The following SPTLC3 variants were observed in gnomAD, a reference collection of about 807,000 sequenced individuals.
SPTLC3 encodes the protein serine palmitoyltransferase 3.
SPTLC3 carries 36 observed loss-of-function variants against 59.3 expected under a neutral mutation model. The ratio of observed to expected loss-of-function variants is 0.61; its 90% CI spans 0.47 to 0.80. The LOEUF (loss-of-function observed/expected upper bound fraction) is 0.80. Among genes scored for constraint, SPTLC3 ranks in the 30% least tolerant of loss-of-function variants. SPTLC3 has a pLI of 0.00. For missense variants in SPTLC3, 625 were observed against 685.1 expected, an observed-to-expected ratio of 0.91 and a Z score of 0.98; for synonymous variants, 257 against 240.8, an observed-to-expected ratio of 1.07 and a Z score of -0.62.
At chr20:13,105,402 T>C (rs1277956775) in intron 6 of SPTLC3, among the ~76,000 whole-genome samples, 4 of 152,206 alleles carry the variant, frequency 2.6e-5, no homozygotes, top group African/African-American at 9.6e-5. Context: ...GTCCCTGACT[T>C]GGAAAAGACT....
At chr20:13,058,272 T>C (rs1445166763) in intron 2 of SPTLC3, among the ~76,000 whole-genome samples, 1 of 152,206 alleles carries the variant, frequency 6.6e-6, no homozygotes, top group Non-Finnish European at 1.5e-5. Flanking sequence ...GAAACTTTCT[T>C]CTGAAGGATG....
At chr20:13,164,171 G>A (rs551257930) in intron 11 of SPTLC3, among the ~76,000 whole-genome samples, 1 of 152,096 alleles carries the variant, frequency 6.6e-6, no homozygotes, top group East Asian at 1.9e-4. Context: ...TGCAAAATGG[G>A]GGATACATGT....
intron 10 of SPTLC3, among the ~76,000 whole-genome samples, 171 bp downstream of exon 10, chr20:13,154,309 G>A (rs2038717004): frequency 6.6e-6 from 1 of 152,020 alleles, no homozygotes; most frequent in East Asian, 1.9e-4. Flanking sequence ...CCTTCCCACA[G>A]GTCTTATAGA....
At chr20:13,055,445 A>T (rs1987681937) in intron 2 of SPTLC3, among the ~76,000 whole-genome samples, 1 of 152,038 alleles carries the variant, frequency 6.6e-6, no homozygotes, top group African/African-American at 2.4e-5. Flanking sequence ...GGCTCTTATC[A>T]CCAGTCGGCC....
At chr20:13,039,628 G>A (rs1031529078) in intron 1 of SPTLC3, among the ~76,000 whole-genome samples, 2 of 152,110 alleles carry the variant, frequency 1.3e-5, no homozygotes, top group South Asian at 2.1e-4. Flanking sequence ...AACTGAGATA[G>A]TTTCATTTAT....
At chr20:13,057,327 A>AT (rs33965584) in intron 2 of SPTLC3, among the ~76,000 whole-genome samples, 92,113 of 151,912 alleles carry the variant, frequency 0.61, 28,196 homozygotes, top group African/African-American at 0.7. Flanking sequence ...AAAAATTATG[A>AT]TTTTTTAAAA....
chr20:13,022,761 C>T (rs1396988601), intron 1 of SPTLC3, among the ~76,000 whole-genome samples: 1 of 152,052 alleles, frequency 6.6e-6, no homozygotes, highest in Non-Finnish European at 1.5e-5. Context: ...TGTTTCCACC[C>T]TCCCCTCCCC....
chr20:13,094,493 C>T (rs1989344458), intron 6 of SPTLC3, among the ~76,000 whole-genome samples: 1 of 152,140 alleles, frequency 6.6e-6, no homozygotes, highest in Non-Finnish European at 1.5e-5. Flanking sequence ...CCTTCCCCTT[C>T]ATTTTTCCCT....
At chr20:13,083,938 G>T (rs184003057) in intron 4 of SPTLC3, among the ~76,000 whole-genome samples, 1 of 152,260 alleles carries the variant, frequency 6.6e-6, no homozygotes, top group East Asian at 1.9e-4. Context: ...AGGAGTCTAT[G>T]TTGAGGATAG....
intron 11 of SPTLC3, 75 bp downstream of exon 11, chr20:13,160,207 C>A: frequency 6.7e-7 from 1 of 1,483,166 alleles, no homozygotes; most frequent in Non-Finnish European, 9.0e-7. Context: ...GTTGAGACAG[C>A]TTGGGGTTCT....
intron 9 of SPTLC3, among the ~76,000 whole-genome samples, chr20:13,153,596 C>T (rs2038699001): frequency 6.6e-6 from 1 of 152,034 alleles, no homozygotes; most frequent in Non-Finnish European, 1.5e-5. Flanking sequence ...AGCTAAAAAG[C>T]ATCTACCAAT....
chr20:13,144,836 G>A (rs527308598), intron 9 of SPTLC3, among the ~76,000 whole-genome samples: 65 of 152,174 alleles, frequency 4.3e-4, no homozygotes, highest in African/African-American at 1.4e-3. Context: ...GTGCAGTGGC[G>A]CAATCTTGGC....
intron 6 of SPTLC3, among the ~76,000 whole-genome samples, chr20:13,095,785 C>A (rs577916587): frequency 1.3e-5 from 2 of 152,250 alleles, no homozygotes; most frequent in South Asian, 4.1e-4. Context: ...TCACCAGACA[C>A]CTGCCATATT....
intron 2 of SPTLC3, among the ~76,000 whole-genome samples, chr20:13,069,547 G>A (rs970712669): frequency 3.3e-5 from 5 of 152,124 alleles, no homozygotes; most frequent in African/African-American, 9.7e-5. Flanking sequence ...GCACTCCTAT[G>A]AGAATCTCAT....
At chr20:13,077,678 A>G (rs148515681) in intron 4 of SPTLC3, among the ~76,000 whole-genome samples, 1 of 152,220 alleles carries the variant, frequency 6.6e-6, no homozygotes, top group Non-Finnish European at 1.5e-5. Context: ...CTGGGCAACC[A>G]ACATAGCAAG....
intron 7 of SPTLC3, among the ~76,000 whole-genome samples, chr20:13,113,669 A>G (rs941276951): frequency 2.6e-5 from 4 of 152,192 alleles, no homozygotes; most frequent in Non-Finnish European, 5.9e-5. Context: ...TGGCCTCCAT[A>G]GGGTACTTTG....
intron 2 of SPTLC3, among the ~76,000 whole-genome samples, chr20:13,066,053 C>T (rs75671776): frequency 6.6e-6 from 1 of 151,932 alleles, no homozygotes; most frequent in African/African-American, 2.4e-5. Flanking sequence ...ACCCTTTGAC[C>T]AGTATCCCCC....
intron 1 of SPTLC3, among the ~76,000 whole-genome samples, chr20:13,017,684 C>A (rs1467295858): frequency 1.3e-5 from 2 of 152,120 alleles, no homozygotes; most frequent in East Asian, 3.8e-4. Flanking sequence ...TGGCTCAAGA[C>A]AATTCTTCTT....
chr20:13,139,163 G>A (rs2038321682), intron 9 of SPTLC3, among the ~76,000 whole-genome samples: 1 of 152,118 alleles, frequency 6.6e-6, no homozygotes, highest in South Asian at 2.1e-4. Context: ...AAGAAACTAT[G>A]TTTTTGTGAC....
Sources: gnomAD v4.1 joint callset for allele counts (sites outside exome capture counted in the v4.1 genomes callset) on GRCh38, gnomAD v4.1.1 for gene constraint, MANE v1.5 for transcripts, NCBI Gene and HGNC (gene_info 2026-07-23, HGNC 2026-07-21) for gene names.